Variants in C5 observed in about 807,000 individuals in gnomAD.
C5 encodes the protein complement C5.
Under a neutral mutation model 218.8 loss-of-function variants are expected in C5, and 140 were observed. The observed-to-expected ratio is 0.64, with a 90% confidence interval of 0.56 to 0.74. The LOEUF (loss-of-function observed/expected upper bound fraction) is 0.74. C5 is among the 30% of genes least tolerant of loss of function. The probability of loss-of-function intolerance (pLI) is 0.00; values close to 1 mark genes in which losing one functional copy is unlikely to be tolerated. For missense variants in C5, 1,700 were observed against 1,969.6 expected, an observed-to-expected ratio of 0.86 and a Z score of 2.59; for synonymous variants, 614 against 682.3, an observed-to-expected ratio of 0.90 and a Z score of 1.56.
the C5 span, among the ~76,000 whole-genome samples, chr9:121,071,422 T>C: frequency 6.6e-6 from 1 of 151,482 alleles, no homozygotes; most frequent in Admixed American, 6.6e-5. Flanking sequence ...TGCTGGCTCA[T>C]GCGTGTAATC....
the C5 span, among the ~76,000 whole-genome samples, chr9:121,061,481 G>C: frequency 2.6e-5 from 4 of 152,176 alleles, no homozygotes; most frequent in African/African-American, 9.6e-5. Flanking sequence ...CCAGGAGGTC[G>C]AGGCTGCAGT....
chr9:120,972,349 A>G (rs866802357), intron 30 of C5, among the ~76,000 whole-genome samples: 3 of 152,194 alleles, frequency 2.0e-5, no homozygotes, highest in Non-Finnish European at 1.5e-5. Context: ...TAGCTCAGGA[A>G]TCAGCATCCT....
the C5 span, among the ~76,000 whole-genome samples, chr9:121,062,705 A>G: frequency 1.3e-5 from 2 of 152,114 alleles, no homozygotes; most frequent in Non-Finnish European, 2.9e-5. Flanking sequence ...TGAAATTCTT[A>G]TGTTGAATCT....
intron 5 of C5, among the ~76,000 whole-genome samples, chr9:121,033,012 G>GT (rs145171837): frequency 0.59 from 82,709 of 140,960 alleles, 23,762 homozygotes; most frequent in East Asian, 0.77. Context: ...AAAAAACTAT[G>GT]GGTGTGTGTG....
In C5 at chr9:121,021,378, G is replaced by A. The variant is rs1405373508; in HGVS notation, c.1302+131C>T. On this transcript the variant is annotated intron_variant, in intron 11 of 40. Transcript: ENST00000223642. ...ATTGTCTCTGGGACTAATTTGTCTT[G>A]GATGCAAAATTATGGAACTGTTCAC... The A allele has an allele frequency of 5.5e-6, 4 of 730,432 alleles. No individual in the cohort carries two copies. In the East Asian group the frequency reaches 8.1e-5, roughly 15 times the overall value. The allele number at this position is 730,432 out of a possible 1,614,324, so 45.2% of individuals were successfully genotyped here.
chr9:121,017,453 A>G lies in C5; in HGVS notation c.1775T>C (p.Met592Thr). 6.2e-7 allele frequency: 1 copy of G among 1,614,044 alleles called. No homozygotes were observed. The highest frequency in any genetic ancestry group is 1.1e-5 in the South Asian group (1 of 91,090). The change falls in exon 14 of 41, where the codon ATG becomes ACG. Residue 592 changes from methionine to threonine, a missense_variant. By Grantham distance (81) the Met-to-Thr change is moderately conservative. Coordinates refer to ENST00000223642, the MANE Select transcript of C5 (RefSeq NM_001735.3). ...YSPGQTVSLN[M>T]ATGMDSWVAL... ...CACCCAGGAATCCATTCCAGTTGCC[A>G]TATTAAGAGACACAGTTTGGCCTGG...
chr9:121,029,219 G>A (rs2047452522), intron 7 of C5, among the ~76,000 whole-genome samples: 1 of 152,106 alleles, frequency 6.6e-6, no homozygotes, highest in South Asian at 2.1e-4. Context: ...CATTATAGGA[G>A]GTCAGTTTCT....
intron 7 of C5, 55 bp downstream of exon 7, chr9:121,030,342 G>T: frequency 1.1e-6 from 1 of 940,340 alleles, no homozygotes; most frequent in Non-Finnish European, 1.6e-6. Context: ...ATCAACCAGA[G>T]TTGAGTTAAT....
chr9:121,071,863 G>GAA, the C5 span, among the ~76,000 whole-genome samples: 1 of 64,998 alleles, frequency 1.5e-5, no homozygotes, highest in Non-Finnish European at 3.6e-5. Context: ...CTATCATTTG[G>GAA]AAAAAAGACT....
rs139301042 is a variant in C5 at position 120,993,624 on chromosome 9, G to A, written c.2852-2344C>T. Among the ~76,000 whole-genome samples, 406 of 152,010 alleles carry A rather than the reference G, an allele frequency of 2.7e-3. 18 individuals are homozygous for A. In the East Asian group the frequency reaches 0.061, roughly 23 times the overall value. On this transcript the variant is annotated intron_variant, in intron 22 of 40. Transcript: ENST00000223642. ...TTTTTAGTAGAGACGGGGTTTCACC[G>A]TTTTAGCCAGGATGGTCTCGATCTC...
intron 12 of C5, among the ~76,000 whole-genome samples, chr9:121,018,475 G>C (rs576994611): frequency 2.0e-5 from 3 of 151,238 alleles, no homozygotes; most frequent in Non-Finnish European, 4.4e-5. Context: ...TCGGAAGGCT[G>C]AGGCAGGAGA....
At chr9:121,074,230 A>T in the C5 span, among the ~76,000 whole-genome samples, 1 of 152,218 alleles carries the variant, frequency 6.6e-6, no homozygotes, top group Admixed American at 6.5e-5. Context: ...CACTTTAAAA[A>T]AAACTTCAGT....
chr9:121,000,739 C>T (rs536679415), intron 20 of C5, among the ~76,000 whole-genome samples: 25 of 152,218 alleles, frequency 1.6e-4, no homozygotes, highest in African/African-American at 5.5e-4. Flanking sequence ...AGGTAAATGG[C>T]GTGTCGCAGA....
chr9:121,023,813 C>G (rs2047388119), intron 9 of C5, among the ~76,000 whole-genome samples: 1 of 151,988 alleles, frequency 6.6e-6, no homozygotes, highest in Admixed American at 6.5e-5. Flanking sequence ...GAAGGGACAC[C>G]ACTTTTCATC....
chr9:121,058,691 G>A, the C5 span, among the ~76,000 whole-genome samples: 2 of 151,772 alleles, frequency 1.3e-5, no homozygotes, highest in Non-Finnish European at 2.9e-5. Flanking sequence ...TACCCACCTC[G>A]GCTTCCCAAA....
At chr9:121,073,018 C>G in the C5 span, among the ~76,000 whole-genome samples, 3 of 152,050 alleles carry the variant, frequency 2.0e-5, no homozygotes, top group Non-Finnish European at 4.4e-5. Context: ...CAAAGTAAAT[C>G]AAAGACACAT....
chr9:120,971,846 A>C, intron 31 of C5, 84 bp downstream of exon 31: 2 of 1,027,354 alleles, frequency 1.9e-6, no homozygotes, highest in Non-Finnish European at 3.1e-6. Context: ...GATTTCTGTG[A>C]CTTTGTGGCA....
chr9:121,044,580 A>G (rs2047609940), intron 2 of C5, among the ~76,000 whole-genome samples: 1 of 152,224 alleles, frequency 6.6e-6, no homozygotes, highest in Non-Finnish European at 1.5e-5. Flanking sequence ...CCATAGACCC[A>G]CACTTAAAAG....
chr9:121,022,183 G>A (rs2047371792), intron 10 of C5, among the ~76,000 whole-genome samples: 1 of 151,988 alleles, frequency 6.6e-6, no homozygotes, highest in African/African-American at 2.4e-5. Flanking sequence ...TTCTTTGATT[G>A]GTTTAGGACT....
Sources: gnomAD v4.1 joint callset for allele counts (sites outside exome capture counted in the v4.1 genomes callset) on GRCh38, gnomAD v4.1.1 for gene constraint, MANE v1.5 for transcripts, NCBI Gene and HGNC (gene_info 2026-07-23, HGNC 2026-07-21) for gene names.